Variants in SDK1 observed in about 807,000 individuals in gnomAD.
SDK1 encodes the protein protein sidekick-1.
In SDK1, 157 loss-of-function variants were observed where a neutral mutation model predicts 245.5. The ratio of observed to expected loss-of-function variants is 0.64; its 90% CI spans 0.56 to 0.73. SDK1 has a LOEUF of 0.73. Ranked by LOEUF, SDK1 falls within the 30% of genes least tolerant of loss-of-function variation. The pLI, the probability that SDK1 is intolerant of heterozygous loss-of-function variation, is 0.00. For synonymous variants in SDK1, 1,647 were observed against 1,278.5 expected, an observed-to-expected ratio of 1.29 and a Z score of -6.15; for missense variants, 3,583 against 3,002.3, an observed-to-expected ratio of 1.19 and a Z score of -4.52.
At chr7:3,707,683 C>T (rs1422609509) in intron 4 of SDK1, among the ~76,000 whole-genome samples, 1 of 152,150 alleles carries the variant, frequency 6.6e-6, no homozygotes, top group Non-Finnish European at 1.5e-5. Flanking sequence ...TTCTGTTTAT[C>T]TCATCTCTTA....
At chr7:3,313,855 T>C (rs1374510612) in intron 1 of SDK1, among the ~76,000 whole-genome samples, 2 of 152,198 alleles carry the variant, frequency 1.3e-5, no homozygotes, top group Admixed American at 6.5e-5. Context: ...TATAATTAGC[T>C]CTATTTAGCC....
chr7:3,498,456 G>T (rs1484649516), intron 1 of SDK1, among the ~76,000 whole-genome samples: 1 of 152,134 alleles, frequency 6.6e-6, no homozygotes, highest in Non-Finnish European at 1.5e-5. Context: ...CTTTCTCATT[G>T]CATTTTTGGG....
intron 4 of SDK1, among the ~76,000 whole-genome samples, chr7:3,741,990 A>ATATATATG: frequency 1.1e-5 from 1 of 88,888 alleles, no homozygotes; most frequent in Admixed American, 1.2e-4. Flanking sequence ...TAGTGTGCAT[A>ATATATATG]TATATATATA....
chr7:4,243,227 A>C (rs1786639077), intron 43 of SDK1, among the ~76,000 whole-genome samples: 1 of 152,240 alleles, frequency 6.6e-6, no homozygotes. Flanking sequence ...AAGAATAGAC[A>C]GTCGTTCAGT....
At chr7:4,143,608 T>G (rs1177979345) in intron 28 of SDK1, among the ~76,000 whole-genome samples, 1 of 152,192 alleles carries the variant, frequency 6.6e-6, no homozygotes, top group Middle Eastern at 3.2e-3. Flanking sequence ...AGGTGTGTCC[T>G]TCCTTTGAAG....
At chr7:3,639,916 C>G (rs1782597468) in intron 3 of SDK1, among the ~76,000 whole-genome samples, 1 of 152,126 alleles carries the variant, frequency 6.6e-6, no homozygotes, top group African/African-American at 2.4e-5. Flanking sequence ...GTGGCACAAA[C>G]ATAGCTCACT....
intron 44 of SDK1, among the ~76,000 whole-genome samples, chr7:4,256,109 G>A (rs1448506701): frequency 6.6e-5 from 10 of 152,046 alleles, no homozygotes; most frequent in Admixed American, 2.6e-4. Context: ...TAGTAGAGAC[G>A]GGGTTTCGCC....
chr7:3,596,306 T>C (rs1326989622), intron 1 of SDK1, among the ~76,000 whole-genome samples: 1 of 152,222 alleles, frequency 6.6e-6, no homozygotes, highest in Non-Finnish European at 1.5e-5. Context: ...CTTAGCACAA[T>C]AATTGGTACA....
At chr7:3,585,939 GAC>G (rs1293715623) in intron 1 of SDK1, among the ~76,000 whole-genome samples, 1 of 152,186 alleles carries the variant, frequency 6.6e-6, no homozygotes, top group Admixed American at 6.5e-5. Flanking sequence ...TGCTAAAGGA[GAC>G]ACAGTATGTG....
At chr7:3,951,254 G>A (rs1780807260) in intron 6 of SDK1, among the ~76,000 whole-genome samples, 1 of 152,122 alleles carries the variant, frequency 6.6e-6, no homozygotes, top group Non-Finnish European at 1.5e-5. Context: ...TTTCAATGCA[G>A]CTCTGGGTGG....
rs577732784 is a variant in SDK1 at position 3,760,114 on chromosome 7, G to C, written c.714-61336G>C. Among the ~76,000 whole-genome samples the C allele has an allele frequency of 6.1e-3, 924 of 152,066 alleles. 14 individuals are homozygous for C. Among genetic ancestry groups the C allele is most frequent in the African/African-American group, 0.021 (855 of 41,444 alleles). On this transcript the variant is annotated intron_variant, in intron 4 of 44. Transcript: ENST00000404826. Reference sequence around the variant, plus strand: ...CATTGTGCATGTTTGTAAAAACATGGAAAATTCCTCCATAAATAAAGAGAT... The same window carrying C: ...CATTGTGCATGTTTGTAAAAACATGCAAAATTCCTCCATAAATAAAGAGAT...
At chr7:3,528,644 G>A (rs78419741) in intron 1 of SDK1, among the ~76,000 whole-genome samples, 1 of 152,092 alleles carries the variant, frequency 6.6e-6, no homozygotes, top group South Asian at 2.1e-4. Context: ...AAGGCAGCTT[G>A]GATTGTAGGA....
intron 1 of SDK1, among the ~76,000 whole-genome samples, chr7:3,613,992 G>A (rs193167261): frequency 6.6e-5 from 10 of 152,238 alleles, no homozygotes; most frequent in African/African-American, 1.9e-4. Context: ...GGATGAGAGC[G>A]GGGAGAGGAT....
At chr7:3,312,180 G>A (rs1369391019) in intron 1 of SDK1, among the ~76,000 whole-genome samples, 1 of 152,116 alleles carries the variant, frequency 6.6e-6, no homozygotes, top group Non-Finnish European at 1.5e-5. Flanking sequence ...ATTTCTTATA[G>A]TGCAACTAAC....
intron 5 of SDK1, among the ~76,000 whole-genome samples, chr7:3,851,877 T>C (rs1015107340): frequency 7.9e-5 from 12 of 152,326 alleles, no homozygotes; most frequent in African/African-American, 2.6e-4. Flanking sequence ...ATAAATAAAA[T>C]GGTATATTCT....
intron 4 of SDK1, among the ~76,000 whole-genome samples, chr7:3,750,671 T>A (rs976302545): frequency 6.6e-6 from 1 of 152,108 alleles, no homozygotes; most frequent in African/African-American, 2.4e-5. Flanking sequence ...TTTAACTGAG[T>A]TCTTTGCTCA....
chr7:4,234,331 G>C (rs1488404048), intron 41 of SDK1, among the ~76,000 whole-genome samples: 1 of 148,488 alleles, frequency 6.7e-6, no homozygotes, highest in East Asian at 1.9e-4. Flanking sequence ...TCTGCTCTCA[G>C]GGGAGTGGCA....
At chr7:4,162,369 G>GTTATTGTTA in intron 32 of SDK1, among the ~76,000 whole-genome samples, 1 of 128,382 alleles carries the variant, frequency 7.8e-6, no homozygotes, top group East Asian at 2.3e-4. Flanking sequence ...TGTTGTTGTT[G>GTTATTGTTA]TTATTATTAT....
chr7:3,612,814 C>G (rs904263638), intron 1 of SDK1, among the ~76,000 whole-genome samples: 2 of 152,182 alleles, frequency 1.3e-5, no homozygotes, highest in African/African-American at 2.4e-5. Context: ...CCCGGCTGGA[C>G]TCGCACCTGA....
Sources: allele counts gnomAD v4.1 joint callset (sites outside exome capture counted in the v4.1 genomes callset), GRCh38; gene constraint gnomAD v4.1.1; transcripts MANE v1.5; gene names NCBI Gene and HGNC (gene_info 2026-07-23, HGNC 2026-07-21).